The following FER1L6 variants were observed in gnomAD, a reference collection of about 807,000 sequenced individuals.
The protein encoded by FER1L6 is fer-1 like family member 6.
In FER1L6, 177 loss-of-function variants were observed where a neutral mutation model predicts 219.2. That is an observed-to-expected ratio of 0.81 (90% CI 0.71 to 0.91). The LOEUF is 0.91. Ranked by LOEUF, FER1L6 falls within the 40% of genes least tolerant of loss-of-function variation. The probability of loss-of-function intolerance (pLI) is 0.00; values close to 1 mark genes in which losing one functional copy is unlikely to be tolerated. For synonymous variants in FER1L6, 768 were observed against 824.3 expected (o/e 0.93, Z 1.17); for missense variants, 2,153 against 2,259.9 (o/e 0.95, Z 0.96).
intron 19 of FER1L6, among the ~76,000 whole-genome samples, chr8:124,037,751 A>G (rs1357573716): frequency 6.6e-6 from 1 of 152,048 alleles, no homozygotes; most frequent in Non-Finnish European, 1.5e-5. Flanking sequence ...GAGCCTCAAG[A>G]CAATCAAGTA....
intron 1 of FER1L6, among the ~76,000 whole-genome samples, chr8:123,912,304 C>CT (rs1398793607): frequency 2.0e-5 from 3 of 152,054 alleles, no homozygotes; most frequent in Non-Finnish European, 4.4e-5. Flanking sequence ...AGAAAGCCTA[C>CT]TAAGTATTGT....
intron 1 of FER1L6, among the ~76,000 whole-genome samples, chr8:123,932,543 G>A (rs947201140): frequency 2.5e-4 from 38 of 152,262 alleles, no homozygotes; most frequent in African/African-American, 9.1e-4. Context: ...AGTTAACAAC[G>A]GTGAAGGAGG....
intron 1 of FER1L6, among the ~76,000 whole-genome samples, chr8:123,890,287 G>C (rs1292205850): frequency 6.6e-6 from 1 of 152,054 alleles, no homozygotes; most frequent in Non-Finnish European, 1.5e-5. Context: ...TGTATACTGG[G>C]AGCATAATAT....
chr8:124,056,254 C>G (rs1820290357), intron 22 of FER1L6, among the ~76,000 whole-genome samples: 1 of 152,212 alleles, frequency 6.6e-6, no homozygotes, highest in Admixed American at 6.5e-5. Flanking sequence ...CTCAGCCTAC[C>G]TACAGGGTTA....
At chr8:123,884,951 T>C (rs1817172605) in intron 1 of FER1L6, among the ~76,000 whole-genome samples, 1 of 152,108 alleles carries the variant, frequency 6.6e-6, no homozygotes, top group Non-Finnish European at 1.5e-5. Flanking sequence ...GACACCAGCC[T>C]GCATTAAGGT....
At chr8:124,116,767 T>C (rs560741066) in intron 39 of FER1L6, among the ~76,000 whole-genome samples, 4 of 152,278 alleles carry the variant, frequency 2.6e-5, no homozygotes, top group African/African-American at 7.2e-5. Context: ...GTGTATAACA[T>C]ACTGCTCAGC....
chr8:124,047,328 T>TA (rs1489081843), intron 21 of FER1L6, among the ~76,000 whole-genome samples: 3 of 152,174 alleles, frequency 2.0e-5, no homozygotes, highest in Non-Finnish European at 2.9e-5. Flanking sequence ...GCCTCATGCC[T>TA]AAAAAAGAGT....
At position 123,980,704 on chromosome 8, in the gene FER1L6, A is replaced by G; in HGVS notation, c.1303A>G (p.Lys435Glu). ...CAAGGACAAAGACTCCAAATCTTCC[A>G]AAGGTAAAGACAAGGCTGACAAAAC... is the stretch of plus-strand genomic sequence containing the variant. ...PSKDKDSKSS[K>E]GKDKADKTED... The change falls in exon 11 of 41, where the codon AAA becomes GAA. Residue 435 changes from lysine (K) to glutamate (E), a missense_variant. Transcript: ENST00000522917. 2 of 1,614,174 alleles carry G rather than the reference A, an allele frequency of 1.2e-6. No individual in the cohort carries two copies. The highest frequency in any genetic ancestry group is 1.7e-6 in the Non-Finnish European group (2 of 1,180,010).
In FER1L6 at chr8:124,003,320, A is replaced by T; in HGVS notation, c.1673A>T (p.Glu558Val). The T allele has an allele frequency of 6.2e-7, 1 of 1,613,462 alleles. No individual in the cohort carries two copies. Among genetic ancestry groups the T allele is most frequent in the South Asian group, 1.1e-5 (1 of 91,018 alleles). Residue 558 changes from glutamate (E) to valine (V), a missense_variant, in exon 13 of 41, where the codon GAG becomes GTG. Glu to Val is a moderately radical substitution (Grantham distance 121). Transcript: ENST00000522917. ...CCTATGGCCTCCACCACTCACCCGGAGAAGCCACTGGTGACAGAAGGGAAC... is the reference window on the plus strand; with the variant it reads ...CCTATGGCCTCCACCACTCACCCGGTGAAGCCACTGGTGACAGAAGGGAAC... ...PIPMASTTHPEKPLVTEGNRN... is the reference protein window; with the variant it reads ...PIPMASTTHPVKPLVTEGNRN...
intron 15 of FER1L6, among the ~76,000 whole-genome samples, chr8:124,015,712 A>G (rs1321847149): frequency 6.6e-6 from 1 of 150,758 alleles, no homozygotes; most frequent in African/African-American, 2.4e-5. Context: ...TTTATGAGCA[A>G]ATTAAAAGCT....
chr8:123,877,841 C>A (rs1030948091), intron 1 of FER1L6, among the ~76,000 whole-genome samples: 8 of 150,512 alleles, frequency 5.3e-5, no homozygotes, highest in African/African-American at 1.7e-4. Flanking sequence ...GCTTTTATCA[C>A]TATGAAAAAA....
chr8:123,956,947 A>G (rs1435888945), intron 2 of FER1L6, among the ~76,000 whole-genome samples: 1 of 152,226 alleles, frequency 6.6e-6, no homozygotes, highest in African/African-American at 2.4e-5. Context: ...GTAGATCCTC[A>G]GTGTTTATTG....
chr8:123,859,238 C>T (rs2130248771), intron 1 of FER1L6, among the ~76,000 whole-genome samples: 1 of 152,278 alleles, frequency 6.6e-6, no homozygotes, highest in South Asian at 2.1e-4. Flanking sequence ...TGAGCTTAAG[C>T]AGTCTGCCTG....
intron 23 of FER1L6, 116 bp from the exon 24 acceptor site, chr8:124,060,432 T>C: frequency 4.8e-6 from 7 of 1,470,398 alleles, no homozygotes; most frequent in Non-Finnish European, 6.6e-6. Flanking sequence ...AGTTCTTTCC[T>C]GGAGGAACAC....
chr8:124,048,143 G>A (rs901093086), intron 21 of FER1L6, among the ~76,000 whole-genome samples: 1 of 152,198 alleles, frequency 6.6e-6, no homozygotes, highest in Non-Finnish European at 1.5e-5. Context: ...TTCAAGTGTG[G>A]TTGAACAAAA....
chr8:124,021,482 C>A, intron 16 of FER1L6, 68 bp from the exon 17 acceptor site: 1 of 1,594,434 alleles, frequency 6.3e-7, no homozygotes. Context: ...CAGGTCTCTT[C>A]AGCAACAGGA....
At chr8:123,897,491 A>G (rs1812766748) in intron 1 of FER1L6, among the ~76,000 whole-genome samples, 2 of 152,226 alleles carry the variant, frequency 1.3e-5, no homozygotes, top group Admixed American at 1.3e-4. Flanking sequence ...TTAAAGTCTT[A>G]AGCTACAAAG....
At chr8:123,912,850 A>ACAC (rs1813079119) in intron 1 of FER1L6, among the ~76,000 whole-genome samples, 1 of 152,210 alleles carries the variant, frequency 6.6e-6, no homozygotes, top group Admixed American at 6.5e-5. Flanking sequence ...TAAATCCTCA[A>ACAC]CACTGACTCC....
At chr8:124,105,701 T>C (rs942435335) in intron 39 of FER1L6, among the ~76,000 whole-genome samples, 3 of 152,150 alleles carry the variant, frequency 2.0e-5, no homozygotes, top group Admixed American at 2.0e-4. Context: ...AGCAGCATTG[T>C]GAATGTCCAT....
Sources: gnomAD v4.1 joint callset for allele counts (sites outside exome capture counted in the v4.1 genomes callset) on GRCh38, gnomAD v4.1.1 for gene constraint, MANE v1.5 for transcripts, NCBI Gene and HGNC (gene_info 2026-07-23, HGNC 2026-07-21) for gene names.